Variants in TMEM25 observed in about 807,000 individuals in gnomAD.
TMEM25 encodes the protein transmembrane protein 25.
A neutral mutation model predicts 37.0 loss-of-function variants in TMEM25; 36 were observed. The observed-to-expected ratio is 0.97, with a 90% CI of 0.75 to 1.28. The LOEUF (loss-of-function observed/expected upper bound fraction) is 1.28. TMEM25 is among the 50% of genes most tolerant of loss of function. TMEM25 has a pLI of 0.00. For synonymous variants in TMEM25, 197 were observed against 203.7 expected (o/e 0.97, Z 0.28); for missense variants, 444 against 477.9 (o/e 0.93, Z 0.66).
intron 2 of TMEM25, 105 bp from the exon 3 acceptor site, chr11:118,532,045 G>T: frequency 1.4e-6 from 2 of 1,392,464 alleles, no homozygotes; most frequent in South Asian, 1.4e-5. Flanking sequence ...GGACTCAGGT[G>T]CCCTTTCCTT....
At chr11:118,546,244 T>C in exon 9 of TMEM25, 5 of 705,112 alleles carry the variant, frequency 7.1e-6, no homozygotes, top group South Asian at 6.1e-5. Flanking sequence ...ACGCCTGTAA[T>C]ACCAGCACTG....
chr11:118,532,026 C>A, intron 2 of TMEM25, 124 bp from the exon 3 acceptor site: 1 of 1,364,202 alleles, frequency 7.3e-7, no homozygotes, highest in Non-Finnish European at 9.8e-7. Context: ...CAGCCAGTCC[C>A]TGGTGAGAGG....
chr11:118,534,359 C>T lies in TMEM25; in HGVS notation c.1027+4C>T. On this transcript the variant is annotated splice_donor_region_variant and intron_variant, in intron 8 of 8. Transcript: ENST00000313236. The surrounding 1 kb of genome is among the most constrained non-coding windows in gnomAD (Gnocchi z 4.6). ...GGCGGCCTCCTCACCAGCCAAGGTA[C>T]TGGGGAAGGGGCCTGCCACCCTCCT... 1 of 1,613,826 alleles carries T rather than the reference C, an allele frequency of 6.2e-7. No homozygotes were observed. The highest frequency in any genetic ancestry group is 8.5e-7 in the Non-Finnish European group (1 of 1,179,882).
exon 9 of TMEM25, chr11:118,546,143 C>T (rs1565343053): frequency 1.4e-6 from 1 of 718,424 alleles, no homozygotes; most frequent in East Asian, 2.7e-5. Context: ...GACAAAGACG[C>T]ATAACAGAGG....
intron 8 of TMEM25, chr11:118,544,882 A>AG (rs1364315467): frequency 1.4e-6 from 2 of 1,478,390 alleles, no homozygotes; most frequent in African/African-American, 2.8e-5. Context: ...CAGAGGGGCC[A>AG]GCTCAGCCTT....
intron 8 of TMEM25, chr11:118,544,809 C>G (rs782193181): frequency 1.7e-5 from 13 of 787,230 alleles, no homozygotes; most frequent in African/African-American, 5.1e-5. Context: ...TGCCCCTGAG[C>G]CAAGCTGTGG....
chr11:118,543,354 G>GT (rs1205972798), intron 8 of TMEM25, among the ~76,000 whole-genome samples: 3 of 151,828 alleles, frequency 2.0e-5, no homozygotes, highest in Non-Finnish European at 4.4e-5. Context: ...GTTTTGTTTT[G>GT]TTTTTTTAGA....
intron 3 of TMEM25, 138 bp downstream of exon 3, chr11:118,532,599 A>G: frequency 9.9e-7 from 1 of 1,012,376 alleles, no homozygotes; most frequent in Non-Finnish European, 1.4e-6. Context: ...CCTCTGAGTA[A>G]CCCCATGAGG....
chr11:118,538,464 G>T (rs1015368465), downstream of TMEM25, among the ~76,000 whole-genome samples: 1 of 152,148 alleles, frequency 6.6e-6, no homozygotes, highest in African/African-American at 2.4e-5. Flanking sequence ...ACTGCGCCAG[G>T]CTTTGTCTTT....
At chr11:118,540,839 A>G (rs1357284260) in intron 8 of TMEM25, among the ~76,000 whole-genome samples, 2 of 152,224 alleles carry the variant, frequency 1.3e-5, no homozygotes, top group African/African-American at 2.4e-5. Context: ...ATGCCAAGTG[A>G]AAGGCCAAAC....
chr11:118,537,685 G>T (rs1210230751), downstream of TMEM25, among the ~76,000 whole-genome samples: 2 of 152,144 alleles, frequency 1.3e-5, no homozygotes, highest in East Asian at 1.9e-4. Context: ...TTGATATTTT[G>T]ATTTCTTTTC....
Position 118,534,586 on chromosome 11 carries a change from G to A in TMEM25, c.*6G>A, listed in dbSNP as rs1951453931. On this transcript the variant is annotated 3_prime_UTR_variant, in exon 9 of 9. Transcript: ENST00000313236. The surrounding 1 kb of genome is among the most constrained non-coding windows in gnomAD (Gnocchi z 4.6). ...GTGATGAGATCTGGCTCTGAGCCGAGGGCGAGACAGGAGTATTCTCTTGGC... is the reference window on the plus strand; with the variant it reads ...GTGATGAGATCTGGCTCTGAGCCGAAGGCGAGACAGGAGTATTCTCTTGGC... 1 of 1,614,048 alleles carries A rather than the reference G, an allele frequency of 6.2e-7. No homozygotes were observed. Among genetic ancestry groups the A allele is most frequent in the Admixed American group, 1.7e-5 (1 of 60,020 alleles).
downstream of TMEM25, chr11:118,535,920 C>T (rs1951501462): frequency 2.2e-6 from 2 of 913,750 alleles, no homozygotes; most frequent in African/African-American, 1.8e-5. Context: ...CTCTGTCGCC[C>T]AGGCTGGAGT....
chr11:118,542,598 G>C (rs1555065846), intron 8 of TMEM25, among the ~76,000 whole-genome samples: 1 of 151,668 alleles, frequency 6.6e-6, no homozygotes, highest in African/African-American at 2.4e-5. Context: ...ACAAGAACTT[G>C]TCTCTACAAA....
chr11:118,531,240 C>A lies in TMEM25; in HGVS notation c.-28+6C>A. On this transcript the variant is annotated splice_donor_region_variant and intron_variant, in intron 1 of 8. Transcript: ENST00000313236. The stretch of plus-strand genomic sequence containing the variant: ...GCGCTCGGGGAGGGAGCCAGGTGAG[C>A]CGCCCCGGTGGCGGGGGGCGGGGGC... 2.5e-6 allele frequency: 1 copy of A among 405,844 alleles called. No individual in the cohort carries two copies. The highest frequency in any genetic ancestry group is 2.6e-5 in the South Asian group (1 of 38,724). The allele number at this position is 405,844 out of a possible 1,614,324, so 25.1% of individuals were successfully genotyped here.
At chr11:118,537,336 G>A (rs555492838), downstream of TMEM25, among the ~76,000 whole-genome samples, 3 of 151,342 alleles carry the variant, frequency 2.0e-5, no homozygotes, top group Non-Finnish European at 4.4e-5. Context: ...GCAAGACTCC[G>A]TCCAAAAAAA....
chr11:118,540,478 C>T (rs148153230), downstream of TMEM25, among the ~76,000 whole-genome samples: 65 of 152,344 alleles, frequency 4.3e-4, no homozygotes, highest in African/African-American at 1.4e-3. Flanking sequence ...ATCCATGCTC[C>T]CTCAGAAGGT....
downstream of TMEM25, among the ~76,000 whole-genome samples, chr11:118,539,140 G>C (rs909736135): frequency 6.8e-6 from 1 of 147,090 alleles, no homozygotes; most frequent in Non-Finnish European, 1.5e-5. Flanking sequence ...TTTTGTTGCT[G>C]TGCGTTTGAG....
intron 8 of TMEM25, among the ~76,000 whole-genome samples, chr11:118,543,415 A>T (rs1428059760): frequency 6.6e-6 from 1 of 152,002 alleles, no homozygotes; most frequent in African/African-American, 2.4e-5. Flanking sequence ...TTTGACTTTT[A>T]TGTTCCTCAG....
Sources: gnomAD v4.1 joint callset for allele counts (sites outside exome capture counted in the v4.1 genomes callset) on GRCh38, gnomAD v4.1.1 for gene constraint, Gnocchi (gnomAD v3.1) non-coding constraint, MANE v1.5 for transcripts, NCBI Gene and HGNC (gene_info 2026-07-23, HGNC 2026-07-21) for gene names.